The following LARP1B variants were observed in gnomAD, a reference collection of about 807,000 sequenced individuals.
The protein encoded by LARP1B is La ribonucleoprotein 1B.
LARP1B carries 76 observed loss-of-function variants against 114.2 expected under a neutral mutation model. The observed-to-expected ratio is 0.67, with a 90% CI of 0.55 to 0.81. The LOEUF is 0.81. LARP1B is among the 30% of genes least tolerant of loss of function. LARP1B has a pLI of 0.00. For synonymous variants in LARP1B, 345 were observed against 348.0 expected, an observed-to-expected ratio of 0.99 and a Z score of 0.10; for missense variants, 1,014 against 1,075.8, an observed-to-expected ratio of 0.94 and a Z score of 0.80.
At chr4:128,099,462 T>C (rs1263071906) in intron 8 of LARP1B, among the ~76,000 whole-genome samples, 4 of 152,042 alleles carry the variant, frequency 2.6e-5, no homozygotes, top group African/African-American at 4.8e-5. Context: ...AATTTTTGTA[T>C]TTTTAGTAGA....
At chr4:128,120,661 G>C (rs1158575292) in intron 10 of LARP1B, among the ~76,000 whole-genome samples, 1 of 151,440 alleles carries the variant, frequency 6.6e-6, no homozygotes, top group South Asian at 2.1e-4. Flanking sequence ...GTAGAGATGG[G>C]GTCTCACCAT....
chr4:128,107,552 C>T, intron 9 of LARP1B: 1 of 1,371,920 alleles, frequency 7.3e-7, no homozygotes, highest in Non-Finnish European at 9.5e-7. Context: ...TATATGTGTA[C>T]TTTGTCATGT....
Position 128,178,505 on chromosome 4 carries a change from C to A in LARP1B, c.1759C>A (p.Pro587Thr), listed in dbSNP as rs766830667. 6.2e-7 allele frequency: 1 copy of A among 1,613,892 alleles called. No homozygotes were observed. The highest frequency in any genetic ancestry group is 2.2e-5 in the East Asian group (1 of 44,848). Residue 587 changes from proline to threonine, a missense_variant, in exon 14 of 20, where the codon CCT (proline) becomes ACT (threonine). Coordinates refer to ENST00000326639, the MANE Select transcript of LARP1B (RefSeq NM_018078.4). ...ITSAAMVHSL[P>T]TAVPESPRIH... ...TTCAGCAGCAATGGTTCATTCGTTG[C>A]CTACAGCAGTTCCAGAATCTCCTAG...
chr4:128,071,335 G>T (rs1269316239), intron 1 of LARP1B, among the ~76,000 whole-genome samples: 2 of 151,720 alleles, frequency 1.3e-5, no homozygotes, highest in Admixed American at 1.3e-4. Flanking sequence ...GTGAGCCACC[G>T]CACTGGCCTT....
At chr4:128,067,214 A>T (rs1319266746) in intron 1 of LARP1B, among the ~76,000 whole-genome samples, 1 of 152,192 alleles carries the variant, frequency 6.6e-6, no homozygotes, top group Non-Finnish European at 1.5e-5. Context: ...GTTATCTATT[A>T]GTGATTGTAT....
intron 7 of LARP1B, among the ~76,000 whole-genome samples, chr4:128,094,129 G>A (rs761856742): frequency 6.6e-6 from 1 of 150,994 alleles, no homozygotes. Context: ...GTTTCACCAC[G>A]TTGGTCAGGC....
chr4:128,061,660 C>T lies in LARP1B; in HGVS notation c.-78+259C>T, dbSNP rs1308427530. 4.1e-6 allele frequency: 4 copies of T among 984,454 alleles called. No homozygotes were observed. In the African/African-American group the frequency reaches 5.2e-5, roughly 13 times the overall value. 61.0% of individuals were successfully genotyped at this position (984,454 alleles called of 1,614,324 possible). A position where few individuals can be genotyped will look rare whatever the true frequency, so the allele number is the denominator to read the frequency against. On this transcript the variant is annotated intron_variant, in intron 1 of 19. Coordinates refer to ENST00000326639, the MANE Select transcript of LARP1B (RefSeq NM_018078.4). The stretch of plus-strand genomic sequence containing the variant: ...GCAGTCGGGTTCCCTGGCCTCGGGG[C>T]CACCCCGGCTGGGGCGGCTGGGGCA...
chr4:128,082,214 G>C lies in LARP1B; in HGVS notation c.267G>C (p.Glu89Asp), dbSNP rs1342189491. 2 of 1,612,812 alleles carry C rather than the reference G, an allele frequency of 1.2e-6. No homozygotes were observed. Among genetic ancestry groups the C allele is most frequent in the Admixed American group, 3.3e-5 (2 of 59,994 alleles). Residue 89 changes from glutamate (E) to aspartate (D), a missense_variant, in exon 5 of 20, where the codon GAG becomes GAC. Physicochemically the swap from Glu to Asp is conservative, Grantham distance 45 (BLOSUM62 2). Transcript: ENST00000326639. The part of the protein sequence containing the change: ...VPLHLDVVRS[E>D]SQERPGSRNS... ...TCCACTTAGATGTTGTAAGATCAGA[G>C]AGTCAAGAAAGACCTGGATCCCGGA...
chr4:128,126,421 C>G (rs566931122), intron 11 of LARP1B, among the ~76,000 whole-genome samples: 4 of 152,180 alleles, frequency 2.6e-5, no homozygotes, highest in Admixed American at 1.3e-4. Flanking sequence ...CCATGCCTGG[C>G]CCCTTAAAAT....
rs769383545 is a variant in LARP1B, at chr4:128,113,371, CAG to C, written c.989-1194_989-1193del. ...TTTTTCTTTTTTTTTTTTTTTGAGA[CAG>C]AGAGTTGCTCTGTCGCCCAGGCTGG... is the stretch of plus-strand genomic sequence containing the variant. On this transcript the variant is annotated intron_variant, in intron 9 of 19. Transcript: ENST00000326639. 2.9e-5 allele frequency among the ~76,000 whole-genome samples: 4 copies of C among 135,704 alleles called. No individual in the cohort carries two copies. The Admixed American group carries it at 3.2e-4, about 11-fold the overall frequency. The allele number at this position is 135,704 out of a possible 152,430, so 89.0% of individuals were successfully genotyped here. A position where few individuals can be genotyped will look rare whatever the true frequency, so the allele number is the denominator to read the frequency against.
intron 11 of LARP1B, among the ~76,000 whole-genome samples, chr4:128,154,470 C>A (rs1734474487): frequency 6.6e-6 from 1 of 152,178 alleles, no homozygotes; most frequent in African/African-American, 2.4e-5. Context: ...AGCAAGAATT[C>A]ATGAATTCTT....
chr4:128,100,579 G>A (rs1233794949), intron 8 of LARP1B, among the ~76,000 whole-genome samples: 1 of 151,748 alleles, frequency 6.6e-6, no homozygotes, highest in Non-Finnish European at 1.5e-5. Context: ...GACTCATTGT[G>A]GTTTTAATTT....
At chr4:128,149,244 G>A (rs546432941) in intron 11 of LARP1B, among the ~76,000 whole-genome samples, 1 of 152,306 alleles carries the variant, frequency 6.6e-6, no homozygotes, top group African/African-American at 2.4e-5. Context: ...ACAGTACTCT[G>A]AAGATTGGGT....
At chr4:128,096,830 G>C (rs530798088) in intron 7 of LARP1B, among the ~76,000 whole-genome samples, 1 of 152,048 alleles carries the variant, frequency 6.6e-6, no homozygotes, top group Non-Finnish European at 1.5e-5. Flanking sequence ...TCGATCTCCT[G>C]ACCTTGTGAT....
chr4:128,220,800 C>T (rs1759957082), intron 7 of LARP1B, among the ~76,000 whole-genome samples: 1 of 152,134 alleles, frequency 6.6e-6, no homozygotes, highest in Non-Finnish European at 1.5e-5. Context: ...AGTTAAGTCA[C>T]ACAGCAAGTT....
chr4:128,062,354 A>G, intron 1 of LARP1B: 2 of 849,246 alleles, frequency 2.4e-6, no homozygotes, highest in Non-Finnish European at 1.4e-6. Context: ...AGTCGGAGGT[A>G]ATTTGTTCCA....
intron 15 of LARP1B, among the ~76,000 whole-genome samples, chr4:128,190,687 G>A (rs1281880018): frequency 1.3e-5 from 2 of 152,084 alleles, no homozygotes; most frequent in South Asian, 2.1e-4. Context: ...CTCCCACCAC[G>A]ATTGTAAGTT....
At chr4:128,110,694 G>A (rs74611145) in intron 9 of LARP1B, among the ~76,000 whole-genome samples, 116 of 66,256 alleles carry the variant, frequency 1.8e-3, no homozygotes, top group African/African-American at 2.9e-3. Context: ...AAAAAAAAAA[G>A]ATGCAGCAGA....
At position 128,203,434 on chromosome 4, in the gene LARP1B, C is replaced by T. The variant is rs553436893; in HGVS notation, c.2309+2769C>T. 6.2e-4 allele frequency among the ~76,000 whole-genome samples: 92 copies of T among 147,542 alleles called. 1 individual carries two copies. The highest frequency in any genetic ancestry group is 2.2e-3 in the African/African-American group (89 of 40,180). On this transcript the variant is annotated intron_variant, in intron 17 of 19. Coordinates refer to ENST00000326639, the MANE Select transcript of LARP1B (RefSeq NM_018078.4). ...TGTTGCCTAGGCTGGAGTGCAGTGT[C>T]GCGATCTCGGCTCACTGCAACCTCT... is the stretch of plus-strand genomic sequence containing the variant.
Sources: gnomAD v4.1 joint callset for allele counts (sites outside exome capture counted in the v4.1 genomes callset) on GRCh38, gnomAD v4.1.1 for gene constraint, MANE v1.5 for transcripts, NCBI Gene and HGNC (gene_info 2026-07-23, HGNC 2026-07-21) for gene names.